Variants in ANKRD31 observed in about 807,000 individuals in gnomAD.
ANKRD31 encodes ankyrin repeat domain-containing protein 31.
In ANKRD31, 147 loss-of-function variants were observed where a neutral mutation model predicts 186.0. The observed-to-expected ratio is 0.79, with a 90% CI of 0.69 to 0.91. The LOEUF (loss-of-function observed/expected upper bound fraction) is 0.91, where lower values mean the gene tolerates loss of function less well. ANKRD31 is among the 40% of genes least tolerant of loss of function. ANKRD31 has a pLI of 0.00. For missense variants in ANKRD31, 1,986 were observed against 2,148.8 expected (o/e 0.92, Z 1.50); for synonymous variants, 673 against 736.4 (o/e 0.91, Z 1.39).
intron 25 of ANKRD31, among the ~76,000 whole-genome samples, chr5:75,070,042 T>C (rs1352147501): frequency 1.3e-5 from 2 of 152,148 alleles, no homozygotes; most frequent in African/African-American, 4.8e-5. Context: ...TTCATGTAAA[T>C]GAGTCAATAA....
intron 25 of ANKRD31, among the ~76,000 whole-genome samples, chr5:75,070,492 A>G (rs2149993944): frequency 6.6e-6 from 1 of 152,324 alleles, no homozygotes; most frequent in East Asian, 1.9e-4. Context: ...CAGAAGCAGA[A>G]TTACTGAGTT....
In ANKRD31 at chr5:75,193,571, T is replaced by A. The variant is rs924372777; in HGVS notation, c.1038A>T (p.Pro346=). Residue 346 remains proline, a synonymous_variant, in exon 8 of 26, where the codon CCA becomes CCT. Coordinates refer to ENST00000506364, the MANE Select transcript of ANKRD31 (RefSeq NM_001372053.1). The stretch of plus-strand genomic sequence containing the variant: ...GATGAGCCAAAGTTTGCAATCCAGA[T>A]GGATTTGGGTCTTGCAGAGTCTGCA... The part of the protein sequence containing the change: ...QIAETLQDPN[P]SGLQTLAHQN... 6.5e-7 allele frequency: 1 copy of A among 1,535,998 alleles called. No homozygotes were observed. Among genetic ancestry groups the A allele is most frequent in the Non-Finnish European group, 8.7e-7 (1 of 1,146,220 alleles).
chr5:75,077,726 C>T (rs1218975726), intron 25 of ANKRD31, among the ~76,000 whole-genome samples: 1 of 151,900 alleles, frequency 6.6e-6, no homozygotes, highest in Non-Finnish European at 1.5e-5. Context: ...GAGATCGAGA[C>T]CATCCTGGCT....
At chr5:75,229,864 C>CAAAAAAAAAAAAAAA (rs1210080751) in intron 2 of ANKRD31, among the ~76,000 whole-genome samples, 1 of 37,848 alleles carries the variant, frequency 2.6e-5, no homozygotes, top group African/African-American at 1.1e-4. Context: ...GACTCTGTCT[C>CAAAAAAAAAAAAAAA]AAAAAAAAAA....
chr5:75,079,901 G>A (rs1040049574), intron 25 of ANKRD31, among the ~76,000 whole-genome samples: 4 of 152,120 alleles, frequency 2.6e-5, no homozygotes, highest in Middle Eastern at 3.4e-3. Context: ...TCAGGAGTTC[G>A]AGACCAGCCT....
chr5:75,098,093 C>T lies in ANKRD31; in HGVS notation c.5331+6135G>A, dbSNP rs141907660. On this transcript the variant is annotated intron_variant, in intron 22 of 25. Coordinates refer to ENST00000506364, the MANE Select transcript of ANKRD31 (RefSeq NM_001372053.1). ...AGGCTGGAGTGCAGTGGCGCAATCT[C>T]GGCTCACTGCAAGCTCTGCCTCCCG... is the stretch of plus-strand genomic sequence containing the variant. Among the ~76,000 whole-genome samples the T allele has an allele frequency of 3.9e-3, 594 of 152,020 alleles. 6 individuals are homozygous for T. Among genetic ancestry groups the T allele is most frequent in the African/African-American group, 0.014 (568 of 41,478 alleles).
intron 22 of ANKRD31, among the ~76,000 whole-genome samples, chr5:75,096,258 A>C (rs999851171): frequency 1.2e-4 from 19 of 152,104 alleles, no homozygotes; most frequent in Admixed American, 2.0e-4. Flanking sequence ...GCATTTCTCT[A>C]ATGATCAGTG....
At chr5:75,218,149 C>T (rs922217360) in intron 3 of ANKRD31, among the ~76,000 whole-genome samples, 13 of 151,920 alleles carry the variant, frequency 8.6e-5, no homozygotes, top group Non-Finnish European at 4.4e-5. Context: ...ATCAACAAAT[C>T]CAGAAGTTGG....
At chr5:75,091,580 C>G (rs1360346311) in intron 22 of ANKRD31, among the ~76,000 whole-genome samples, 179 bp from the exon 23 acceptor site, 1 of 152,096 alleles carries the variant, frequency 6.6e-6, no homozygotes, top group Non-Finnish European at 1.5e-5. Flanking sequence ...GATGAACCAT[C>G]TAGTCAACAA....
Position 75,146,093 on chromosome 5 carries a change from C to T in ANKRD31, c.3318G>A (p.Glu1106=). The part of the protein sequence containing the change: ...EKRRQNHLES[E]TIHNIDSHST... ...AATGAGAATCTATATTGTGTATAGT[C>T]TCACTTTCTAGATGGTTTTGTCTCC... Residue 1106 remains glutamate, a synonymous_variant, in exon 14 of 26, where the codon GAG becomes GAA. Coordinates refer to ENST00000506364, the MANE Select transcript of ANKRD31 (RefSeq NM_001372053.1). 1 of 1,535,476 alleles carries T rather than the reference C, an allele frequency of 6.5e-7. No individual in the cohort carries two copies. Among genetic ancestry groups the T allele is most frequent in the Non-Finnish European group, 8.7e-7 (1 of 1,145,840 alleles).
At chr5:75,164,752 T>C (rs995654576) in intron 11 of ANKRD31, among the ~76,000 whole-genome samples, 1 of 152,198 alleles carries the variant, frequency 6.6e-6, no homozygotes, top group Admixed American at 6.5e-5. Context: ...ACAGCTCTTA[T>C]AGCAACCTCC....
chr5:75,095,293 C>A (rs1396405309), intron 22 of ANKRD31, among the ~76,000 whole-genome samples: 8 of 151,986 alleles, frequency 5.3e-5, no homozygotes, highest in Non-Finnish European at 1.2e-4. Context: ...CACAGTGAAA[C>A]CCTGTCTCTA....
intron 25 of ANKRD31, among the ~76,000 whole-genome samples, chr5:75,080,073 G>A (rs1023458712): frequency 1.3e-5 from 2 of 151,958 alleles, no homozygotes; most frequent in Non-Finnish European, 2.9e-5. Context: ...ACTCCAGCCT[G>A]TGTGACAGAG....
intron 22 of ANKRD31, among the ~76,000 whole-genome samples, chr5:75,098,137 C>T (rs113163939): frequency 0.049 from 7,436 of 151,938 alleles, 392 homozygotes; most frequent in African/African-American, 0.13. Context: ...GGACTACAGG[C>T]GCCCACCACC....
chr5:75,104,538 C>G lies in ANKRD31; in HGVS notation c.5021G>C (p.Arg1674Thr). 2 of 1,536,822 alleles carry G rather than the reference C, an allele frequency of 1.3e-6. No individual in the cohort carries two copies. The highest frequency in any genetic ancestry group is 1.7e-6 in the Non-Finnish European group (2 of 1,146,800). The stretch of plus-strand genomic sequence containing the variant: ...CTGGGAACTTGTTTTTCTGTTTCCT[C>G]TTTTGGGATCATAATTGGAAAGGTC... ...DQDLSNYDPK[R>T]GNRKTSSQQS... The change falls in exon 22 of 26, where the codon AGA becomes ACA. Residue 1674 changes from arginine to threonine, a missense_variant. Arg to Thr is a moderately conservative substitution (Grantham distance 71). Transcript: ENST00000506364.
At chr5:75,109,207 G>C (rs1747572563) in intron 20 of ANKRD31, among the ~76,000 whole-genome samples, 1 of 152,154 alleles carries the variant, frequency 6.6e-6, no homozygotes, top group Admixed American at 6.5e-5. Context: ...AATTTCAGAT[G>C]AATTATGCAT....
chr5:75,162,160 C>G (rs1752611335), intron 11 of ANKRD31, among the ~76,000 whole-genome samples: 1 of 152,208 alleles, frequency 6.6e-6, no homozygotes, highest in South Asian at 2.1e-4. Context: ...GCCAGAGATA[C>G]TCAACACCAG....
At chr5:75,148,480 T>C in intron 13 of ANKRD31, 96 bp downstream of exon 13, 4 of 836,722 alleles carry the variant, frequency 4.8e-6, no homozygotes, top group Middle Eastern at 7.3e-4. Context: ...TCATTATTAC[T>C]AAAGCTTCAG....
chr5:75,081,919 T>C (rs911457584), intron 24 of ANKRD31, among the ~76,000 whole-genome samples: 1 of 152,140 alleles, frequency 6.6e-6, no homozygotes. Flanking sequence ...TGTGTAAGAG[T>C]CACTTTAAAA....
Sources: gnomAD v4.1 joint callset for allele counts (sites outside exome capture counted in the v4.1 genomes callset) on GRCh38, gnomAD v4.1.1 for gene constraint, MANE v1.5 for transcripts, NCBI Gene and HGNC (gene_info 2026-07-23, HGNC 2026-07-21) for gene names.